The following INTS4 variants were observed in gnomAD, a reference collection of about 807,000 sequenced individuals.
The protein encoded by INTS4 is integrator complex subunit 4.
A neutral mutation model predicts 119.5 loss-of-function variants in INTS4; 70 were observed. That is an observed-to-expected ratio of 0.59 (90% CI 0.48 to 0.71). The LOEUF (loss-of-function observed/expected upper bound fraction) is 0.71, where lower values mean the gene tolerates loss of function less well. Ranked by LOEUF, INTS4 falls within the 30% of genes least tolerant of loss-of-function variation. INTS4 has a pLI of 0.00. For missense variants in INTS4, 867 were observed against 1,173.2 expected, an observed-to-expected ratio of 0.74 and a Z score of 3.81; for synonymous variants, 316 against 419.6, an observed-to-expected ratio of 0.75 and a Z score of 3.02.
intron 18 of INTS4, chr11:77,900,668 C>T (rs755642149): frequency 5.8e-6 from 4 of 688,182 alleles, no homozygotes; most frequent in South Asian, 3.1e-5. Context: ...TTAAGATGCA[C>T]CTTTATTTTA....
At chr11:77,991,807 G>C (rs1181971243) in intron 1 of INTS4, among the ~76,000 whole-genome samples, 1 of 152,088 alleles carries the variant, frequency 6.6e-6, no homozygotes, top group Non-Finnish European at 1.5e-5. Context: ...GCCCAGGCAG[G>C]AGTGCAATGG....
At chr11:77,901,278 A>C in intron 18 of INTS4, 143 bp downstream of exon 18, 1 of 880,404 alleles carries the variant, frequency 1.1e-6, no homozygotes, top group South Asian at 1.4e-5. Context: ...AATATCTGAA[A>C]AAAATGAATA....
chr11:77,903,603 C>T lies in INTS4; in HGVS notation c.2034G>A (p.Leu678=), dbSNP rs139297026. Residue 678 remains leucine (L), a synonymous_variant, in exon 17 of 23, where the codon TTG becomes TTA. Transcript: ENST00000534064. ...LLLIKALQEK[L]WNVAAPLYLK... is the part of the protein sequence containing the mutation. ...AATACAAAGGGGCAGCTACATTCCA[C>T]AACTTTTCCTGCAAGGCCTACGCAG... The T allele has an allele frequency of 6.2e-6, 10 of 1,613,706 alleles. No homozygotes were observed. The highest frequency in any genetic ancestry group is 8.5e-6 in the Non-Finnish European group (10 of 1,179,716).
At chr11:77,954,781 T>G (rs1371441161) in intron 8 of INTS4, among the ~76,000 whole-genome samples, 1 of 152,210 alleles carries the variant, frequency 6.6e-6, no homozygotes, top group Non-Finnish European at 1.5e-5. Flanking sequence ...TACTTGCTCA[T>G]CTACCACTCA....
downstream of INTS4, among the ~76,000 whole-genome samples, chr11:77,874,997 G>A (rs533699579): frequency 3.3e-5 from 5 of 151,254 alleles, no homozygotes; most frequent in African/African-American, 4.9e-5. Flanking sequence ...AGGTGAGATC[G>A]TGCCACTGCA....
At chr11:77,959,592 G>C (rs1954414451) in intron 6 of INTS4, among the ~76,000 whole-genome samples, 1 of 151,870 alleles carries the variant, frequency 6.6e-6, no homozygotes. Context: ...GAATTATTTG[G>C]CTTCCCACAT....
chr11:77,905,458 CAAA>C (rs1413115767), intron 16 of INTS4, among the ~76,000 whole-genome samples: 4 of 116,354 alleles, frequency 3.4e-5, no homozygotes, highest in Non-Finnish European at 5.5e-5. Flanking sequence ...GACTCTGTCT[CAAA>C]AAAAAAAAAA....
At chr11:77,895,285 G>T (rs1280665085) in intron 18 of INTS4, among the ~76,000 whole-genome samples, 1 of 151,688 alleles carries the variant, frequency 6.6e-6, no homozygotes, top group Non-Finnish European at 1.5e-5. Flanking sequence ...GAGGAATAAA[G>T]TTCCCACCAA....
Position 77,883,924 on chromosome 11 carries a change from A to G in INTS4, c.2621T>C (p.Met874Thr). ...QVLYPDGQAQ[M>T]IHPKPADFRN... is the part of the protein sequence containing the mutation. ...GAAGTCTGCAGGCTTGGGGTGAATC[A>G]TCTGAGCCTGGCCATCTGGATATAA... The change falls in exon 22 of 23, where the codon ATG (methionine) becomes ACG (threonine). Residue 874 changes from methionine to threonine, a missense_variant. By Grantham distance (81) the Met-to-Thr change is moderately conservative (BLOSUM62 -1). Coordinates refer to ENST00000534064, the MANE Select transcript of INTS4 (RefSeq NM_033547.4). 6.2e-7 allele frequency: 1 copy of G among 1,613,360 alleles called. No individual in the cohort carries two copies. Among genetic ancestry groups the G allele is most frequent in the African/African-American group, 1.3e-5 (1 of 75,012 alleles).
intron 18 of INTS4, among the ~76,000 whole-genome samples, chr11:77,896,424 G>A (rs1952520419): frequency 6.6e-6 from 1 of 152,176 alleles, no homozygotes; most frequent in Admixed American, 6.5e-5. Context: ...GGCTGAGGCA[G>A]GCGGATCACC....
At chr11:77,876,264 G>A (rs191297743), downstream of INTS4, among the ~76,000 whole-genome samples, 24 of 152,240 alleles carry the variant, frequency 1.6e-4, no homozygotes, top group South Asian at 2.1e-4. Flanking sequence ...AAGTCACCTG[G>A]GGAAGAAACC....
downstream of INTS4, among the ~76,000 whole-genome samples, chr11:77,878,120 TG>T (rs917604229): frequency 2.0e-5 from 3 of 152,150 alleles, no homozygotes; most frequent in Admixed American, 2.0e-4. Flanking sequence ...CCCAGCATTT[TG>T]GGAGGCCAAG....
chr11:77,981,290 G>A (rs1244326114), intron 3 of INTS4, among the ~76,000 whole-genome samples, 169 bp downstream of exon 3: 2 of 150,876 alleles, frequency 1.3e-5, no homozygotes, highest in Admixed American at 6.6e-5. Flanking sequence ...GCTATTAAGA[G>A]ATAAAACTGT....
intron 11 of INTS4, among the ~76,000 whole-genome samples, chr11:77,925,693 A>T (rs1389211782): frequency 6.6e-6 from 1 of 152,204 alleles, no homozygotes; most frequent in African/African-American, 2.4e-5. Context: ...AGACATCTTA[A>T]AATGGCCTAC....
intron 1 of INTS4, among the ~76,000 whole-genome samples, chr11:77,992,337 G>A (rs1211027236): frequency 1.3e-5 from 2 of 152,062 alleles, no homozygotes; most frequent in Non-Finnish European, 2.9e-5. Context: ...GTTGCAGTGA[G>A]CTAGGATTGC....
chr11:77,880,924 AAAACAAAC>A (rs532440350), intron 22 of INTS4, among the ~76,000 whole-genome samples: 7 of 152,258 alleles, frequency 4.6e-5, no homozygotes, highest in African/African-American at 1.7e-4. Flanking sequence ...ACCCTGTCTC[AAAACAAAC>A]AAACAAACAA....
At chr11:77,972,273 A>G (rs58992562) in intron 4 of INTS4, among the ~76,000 whole-genome samples, 19,907 of 151,870 alleles carry the variant, frequency 0.13, 1,495 homozygotes, top group East Asian at 0.25. Context: ...TAGTTTTTAT[A>G]TTTTTTGTAG....
At chr11:77,925,745 T>C (rs1953483054) in intron 11 of INTS4, among the ~76,000 whole-genome samples, 1 of 152,242 alleles carries the variant, frequency 6.6e-6, no homozygotes, top group African/African-American at 2.4e-5. Context: ...AGACTTCATC[T>C]CATGCCACAT....
chr11:77,883,342 G>A (rs1024159622), intron 22 of INTS4, among the ~76,000 whole-genome samples: 3 of 151,992 alleles, frequency 2.0e-5, no homozygotes, highest in Non-Finnish European at 2.9e-5. Context: ...AATCTCCTTT[G>A]TACTTGTATT....
Sources: allele counts gnomAD v4.1 joint callset (sites outside exome capture counted in the v4.1 genomes callset), GRCh38; gene constraint gnomAD v4.1.1; transcripts MANE v1.5; gene names NCBI Gene and HGNC (gene_info 2026-07-23, HGNC 2026-07-21).